Variants in NCKAP5 observed in about 807,000 individuals in gnomAD.
NCKAP5 encodes nck-associated protein 5.
NCKAP5 carries 92 observed loss-of-function variants against 167.0 expected under a neutral mutation model. That is an observed-to-expected ratio of 0.55 (90% CI 0.47 to 0.66). The LOEUF is 0.66. Ranked by LOEUF, NCKAP5 falls within the 30% of genes least tolerant of loss-of-function variation. The pLI is 0.00. For synonymous variants in NCKAP5, 891 were observed against 877.4 expected, an observed-to-expected ratio of 1.02 and a Z score of -0.27; for missense variants, 2,378 against 2,315.0, an observed-to-expected ratio of 1.03 and a Z score of -0.56.
chr2:133,670,592 C>T, the NCKAP5 span, among the ~76,000 whole-genome samples: 4 of 152,142 alleles, frequency 2.6e-5, no homozygotes, highest in African/African-American at 7.2e-5. Flanking sequence ...CTAATCTCAG[C>T]ACTGGTGTAG....
chr2:132,918,548 C>T (rs763355196), intron 8 of NCKAP5, among the ~76,000 whole-genome samples: 4 of 151,992 alleles, frequency 2.6e-5, no homozygotes, highest in Admixed American at 2.6e-4. Flanking sequence ...ATTTCTCCTC[C>T]AACTAAAATA....
chr2:132,677,510 GA>G (rs1284708157), intron 19 of NCKAP5, among the ~76,000 whole-genome samples: 1 of 152,092 alleles, frequency 6.6e-6, no homozygotes, highest in African/African-American at 2.4e-5. Flanking sequence ...TTGATTCTCA[GA>G]GGAAGTTTTA....
chr2:132,747,842 C>G (rs989101627), intron 16 of NCKAP5, among the ~76,000 whole-genome samples: 7 of 152,162 alleles, frequency 4.6e-5, no homozygotes, highest in Non-Finnish European at 1.0e-4. Flanking sequence ...ATAACTTGCC[C>G]GTAGGCCTAT....
chr2:133,068,443 A>C (rs947060476), intron 6 of NCKAP5, among the ~76,000 whole-genome samples: 1 of 152,182 alleles, frequency 6.6e-6, no homozygotes, highest in Non-Finnish European at 1.5e-5. Context: ...GCCTGAATAT[A>C]CTGGCAGAGA....
In NCKAP5 at chr2:132,967,709, G is replaced by A. The variant is rs922236260; in HGVS notation, c.430-3840C>T. Reference sequence around the variant, plus strand: ...TGGCCATTTGCTGATCTAGCTAATGGAGTATGGAAAACAAGACAAAGTTCC... The same window carrying A: ...TGGCCATTTGCTGATCTAGCTAATGAAGTATGGAAAACAAGACAAAGTTCC... On this transcript the variant is annotated intron_variant, in intron 7 of 19. Transcript: ENST00000409261. Among the ~76,000 whole-genome samples the A allele has an allele frequency of 7.9e-5, 12 of 152,242 alleles. No homozygotes were observed. The South Asian group carries it at 2.5e-3, about 32-fold the overall frequency.
intron 19 of NCKAP5, among the ~76,000 whole-genome samples, chr2:132,683,226 C>T (rs1040019994): frequency 2.6e-5 from 4 of 151,362 alleles, no homozygotes; most frequent in Admixed American, 1.3e-4. Flanking sequence ...TCTGACATCC[C>T]GAAAGGACCA....
At chr2:133,110,168 C>T (rs148444620) in intron 6 of NCKAP5, among the ~76,000 whole-genome samples, 107 of 152,234 alleles carry the variant, frequency 7.0e-4, no homozygotes, top group African/African-American at 1.1e-3. Flanking sequence ...TTTCCTTTTG[C>T]GGGTTCCTGC....
At chr2:133,086,444 C>A in intron 6 of NCKAP5, among the ~76,000 whole-genome samples, 1 of 151,982 alleles carries the variant, frequency 6.6e-6, no homozygotes, top group East Asian at 1.9e-4. Context: ...TTGTCACCAG[C>A]CAGGGCAAAA....
At chr2:133,380,881 C>A (rs981903350) in intron 3 of NCKAP5, among the ~76,000 whole-genome samples, 1 of 152,194 alleles carries the variant, frequency 6.6e-6, no homozygotes, top group East Asian at 1.9e-4. Context: ...GACTTATTTT[C>A]ATCAGATTGT....
At chr2:133,081,896 A>G (rs1427686798) in intron 6 of NCKAP5, among the ~76,000 whole-genome samples, 4 of 152,136 alleles carry the variant, frequency 2.6e-5, no homozygotes, top group African/African-American at 4.8e-5. Context: ...CAGTTTTAAC[A>G]TTTTAGTTTC....
intron 3 of NCKAP5, among the ~76,000 whole-genome samples, chr2:133,514,526 C>T (rs555268037): frequency 6.6e-6 from 1 of 152,274 alleles, no homozygotes; most frequent in African/African-American, 2.4e-5. Flanking sequence ...CTACTCAACA[C>T]TTCAATGATT....
rs373398678 is a variant in NCKAP5 at position 133,181,888 on chromosome 2, A to C, written c.207+31828T>G. Among the ~76,000 whole-genome samples, 76 of 152,322 alleles carry C rather than the reference A, an allele frequency of 5.0e-4. 1 individual carries two copies. In the Middle Eastern group the frequency reaches 0.01, roughly 20 times the overall value. ...CTACAAAAAACTCACTTAAAATAATATAATGATATAGATAGGGTTAAAAGT... is the reference window on the plus strand; with the variant it reads ...CTACAAAAAACTCACTTAAAATAATCTAATGATATAGATAGGGTTAAAAGT... On this transcript the variant is annotated intron_variant, in intron 5 of 19. Transcript: ENST00000409261.
chr2:132,936,152 TTG>T (rs1696836007), intron 8 of NCKAP5, among the ~76,000 whole-genome samples: 2 of 151,844 alleles, frequency 1.3e-5, no homozygotes, highest in South Asian at 4.1e-4. Flanking sequence ...CGGCTAATTT[TTG>T]TGTTTTTAGC....
chr2:133,165,013 T>C (rs1378112884), intron 5 of NCKAP5, among the ~76,000 whole-genome samples: 1 of 152,172 alleles, frequency 6.6e-6, no homozygotes, highest in Non-Finnish European at 1.5e-5. Flanking sequence ...CAAATGAGGA[T>C]GATTTTGCCT....
Position 132,963,609 on chromosome 2 carries a change from T to C in NCKAP5, c.579+111A>G, listed in dbSNP as rs879422387. ...AGCAGGAAATCGTAGATCATATTAG[T>C]CTGGGAGAACTCAAAAGGGAAGATT... On this transcript the variant is annotated intron_variant, in intron 8 of 19. Coordinates refer to ENST00000409261, the MANE Select transcript of NCKAP5 (RefSeq NM_207363.3). 7.1e-6 allele frequency: 8 copies of C among 1,128,332 alleles called. 1 individual carries two copies. In the South Asian group the frequency reaches 1.1e-4, roughly 15 times the overall value. The allele number at this position is 1,128,332 out of a possible 1,614,324, so 69.9% of individuals were successfully genotyped here.
At chr2:132,673,590 G>T (rs57889347) in intron 19 of NCKAP5, among the ~76,000 whole-genome samples, 1 of 152,016 alleles carries the variant, frequency 6.6e-6, no homozygotes, top group South Asian at 2.1e-4. Flanking sequence ...CAGGTAAAGT[G>T]CCTTATTTTT....
At chr2:132,855,799 C>T (rs1279441911) in intron 11 of NCKAP5, among the ~76,000 whole-genome samples, 1 of 152,122 alleles carries the variant, frequency 6.6e-6, no homozygotes, top group African/African-American at 2.4e-5. Context: ...ATCTTTTTGT[C>T]TCACTTCAAC....
chr2:133,410,414 AC>A (rs1688702818), intron 3 of NCKAP5, among the ~76,000 whole-genome samples: 1 of 152,224 alleles, frequency 6.6e-6, no homozygotes, highest in African/African-American at 2.4e-5. Context: ...CACAGGCTTC[AC>A]TTCTCTGAGG....
At chr2:132,924,293 G>T (rs971248134) in intron 8 of NCKAP5, among the ~76,000 whole-genome samples, 5 of 152,032 alleles carry the variant, frequency 3.3e-5, no homozygotes, top group African/African-American at 1.2e-4. Context: ...GCTGTACTCT[G>T]GGCCCATAAA....
Sources: gnomAD v4.1 joint callset for allele counts (sites outside exome capture counted in the v4.1 genomes callset) on GRCh38, gnomAD v4.1.1 for gene constraint, MANE v1.5 for transcripts, NCBI Gene and HGNC (gene_info 2026-07-23, HGNC 2026-07-21) for gene names.